Variants in MID2 observed in about 807,000 individuals in gnomAD.
MID2 encodes the protein midline 2, also known as probable E3 ubiquitin-protein ligase MID2.
MID2 carries 13 observed loss-of-function variants against 46.1 expected under a neutral mutation model. The observed-to-expected ratio is 0.28, with a 90% confidence interval of 0.18 to 0.45. The LOEUF is 0.45. Ranked by LOEUF, MID2 falls within the 20% of genes least tolerant of loss-of-function variation. The pLI is 1.00. For synonymous variants in MID2, 199 were observed against 212.3 expected (o/e 0.94, Z 0.55); for missense variants, 431 against 575.4 (o/e 0.75, Z 2.57).
chrX:107,905,080 A>G (rs1293036591), intron 4 of MID2, among the ~76,000 whole-genome samples: 1 of 112,333 alleles, frequency 8.9e-6, no homozygotes, highest in Non-Finnish European at 1.9e-5. Flanking sequence ...AAATATATTG[A>G]CAACAAAATG....
chrX:107,825,966 C>CG lies in MID2; in HGVS notation c.-460dup. ...CGGAAGGTGAGCCTGGGAAGGTGGC[C>CG]GAGCACCCCTTCTTCTTGGGCCCTT... On this transcript the variant is annotated 5_prime_UTR_variant, in exon 1 of 10. Transcript: ENST00000262843. The CG allele has an allele frequency of 3.7e-6, 1 of 268,876 alleles. No individual in the cohort carries two copies. 22.2% of individuals were successfully genotyped at this position (268,876 alleles called of 1,213,427 possible). A position where few individuals can be genotyped will look rare whatever the true frequency, so the allele number is the denominator to read the frequency against.
At chrX:107,860,508 G>A (rs957191351) in intron 3 of MID2, among the ~76,000 whole-genome samples, 1 of 111,797 alleles carries the variant, frequency 8.9e-6, no homozygotes, top group East Asian at 2.8e-4. Context: ...CATGGAGAAT[G>A]TATAGATTGA....
intron 3 of MID2, among the ~76,000 whole-genome samples, chrX:107,890,375 G>A (rs1295412962): frequency 8.9e-6 from 1 of 112,191 alleles, no homozygotes. Context: ...GAGTTTGTGG[G>A]AGGTCCACTC....
intron 3 of MID2, among the ~76,000 whole-genome samples, chrX:107,867,106 T>G (rs992310402): frequency 8.0e-5 from 9 of 112,288 alleles, no homozygotes; most frequent in African/African-American, 2.6e-4. Context: ...TGAAATTTAG[T>G]ATGAAGCCAT....
At chrX:107,882,242 C>A (rs1932336039) in intron 3 of MID2, among the ~76,000 whole-genome samples, 1 of 112,214 alleles carries the variant, frequency 8.9e-6, no homozygotes, top group Admixed American at 9.4e-5. Flanking sequence ...GACCTAAAAT[C>A]ATAAAAACCC....
At chrX:107,867,303 G>A (rs375251417) in intron 3 of MID2, among the ~76,000 whole-genome samples, 7 of 105,277 alleles carry the variant, frequency 6.6e-5, no homozygotes, top group Middle Eastern at 4.9e-3. Flanking sequence ...GGCATGTGCC[G>A]CCACGCCCAG....
At chrX:107,892,721 G>T (rs975902321) in intron 3 of MID2, among the ~76,000 whole-genome samples, 3 of 111,846 alleles carry the variant, frequency 2.7e-5, no homozygotes, top group Non-Finnish European at 5.6e-5. Flanking sequence ...CTTCTCTGCT[G>T]TGAATCTCCC....
chrX:107,827,210 T>C lies in MID2; in HGVS notation c.4+780T>C, dbSNP rs1930975629. 6.2e-5 allele frequency among the ~76,000 whole-genome samples: 7 copies of C among 112,122 alleles called. No individual in the cohort carries two copies. The Admixed American group carries it at 6.6e-4, about 11-fold the overall frequency. On this transcript the variant is annotated intron_variant, in intron 1 of 9. Transcript: ENST00000262843. ...GTTGCACATTATTTTTCAGAGGTGT[T>C]TCTTCTTAGAGCAGGAAATTGAAAT...
At chrX:107,862,687 A>C (rs1180237753) in intron 3 of MID2, among the ~76,000 whole-genome samples, 2 of 112,677 alleles carry the variant, frequency 1.8e-5, no homozygotes, top group African/African-American at 6.4e-5. Context: ...AAGCAAAGCC[A>C]AAAGAAAAGT....
Position 107,841,095 on chromosome X carries a change from C to G in MID2, c.430C>G (p.Gln144Glu), listed in dbSNP as rs1381849775. 2.5e-6 allele frequency: 3 copies of G among 1,209,223 alleles called. No homozygotes were observed. The South Asian group carries it at 5.3e-5, about 21-fold the overall frequency. ...SERIACQFCE[Q>E]DPPRDAVKTC... is the part of the protein sequence containing the mutation. ...GCGAATTGCTTGCCAATTCTGTGAG[C>G]AGGACCCGCCAAGGGATGCAGTAAA... Residue 144 changes from glutamine (Q) to glutamate (E), a missense_variant, in exon 2 of 10, where the codon CAG becomes GAG. Physicochemically the swap from Gln to Glu is conservative, Grantham distance 29 (BLOSUM62 2). Transcript: ENST00000262843.
In MID2 at chrX:107,929,849, C is replaced by T. The variant is rs994566089; in HGVS notation, c.*2776C>T. 8.9e-6 allele frequency among the ~76,000 whole-genome samples: 1 copy of T among 111,768 alleles called. No homozygotes were observed. The highest frequency in any genetic ancestry group is 1.9e-5 in the Non-Finnish European group (1 of 53,073). On this transcript the variant is annotated 3_prime_UTR_variant, in exon 10 of 10. Coordinates refer to ENST00000262843, the MANE Select transcript of MID2 (RefSeq NM_012216.4). ...CCAAAGACACCCCAAGCATCCCCCT[C>T]TCTCAGCAATAATCACATTGTATAG...
chrX:107,874,759 G>A (rs890687038), intron 3 of MID2, among the ~76,000 whole-genome samples: 1 of 111,562 alleles, frequency 9.0e-6, no homozygotes, highest in African/African-American at 3.3e-5. Flanking sequence ...GAAGAATCCT[G>A]TAATACCTAA....
chrX:107,859,847 C>T (rs1205551639), intron 3 of MID2, among the ~76,000 whole-genome samples: 1 of 112,080 alleles, frequency 8.9e-6, no homozygotes, highest in Non-Finnish European at 1.9e-5. Flanking sequence ...AGAAGTTTGG[C>T]TTGGCCAGAA....
intron 5 of MID2, among the ~76,000 whole-genome samples, chrX:107,913,081 A>G (rs1932915346): frequency 9.0e-6 from 1 of 110,988 alleles, no homozygotes; most frequent in Admixed American, 9.6e-5. Context: ...CACACACCCC[A>G]CCATGTCACT....
intron 3 of MID2, among the ~76,000 whole-genome samples, chrX:107,872,424 G>A (rs1932092435): frequency 8.9e-6 from 1 of 112,317 alleles, no homozygotes; most frequent in African/African-American, 3.2e-5. Context: ...AAAACAACAA[G>A]CCTAGGCAAG....
chrX:107,828,409 T>A (rs1369887929), intron 1 of MID2, among the ~76,000 whole-genome samples: 1 of 105,506 alleles, frequency 9.5e-6, no homozygotes, highest in Non-Finnish European at 1.9e-5. Flanking sequence ...CCTCTCGGGC[T>A]TAAGCAATCC....
Position 107,927,227 on chromosome X carries a change from A to G in MID2, c.*154A>G, listed in dbSNP as rs1020892004. On this transcript the variant is annotated 3_prime_UTR_variant, in exon 10 of 10. Coordinates refer to ENST00000262843, the MANE Select transcript of MID2 (RefSeq NM_012216.4). ...TGCAGATTTAATTTTTGTGCATTAAAGCTTGTATTTGAATTAATTTATTGA... is the reference window on the plus strand; with the variant it reads ...TGCAGATTTAATTTTTGTGCATTAAGGCTTGTATTTGAATTAATTTATTGA... The G allele has an allele frequency of 3.4e-5, 15 of 441,492 alleles. No individual in the cohort carries two copies. The highest frequency in any genetic ancestry group is 5.3e-5 in the Non-Finnish European group (15 of 281,166). 36.4% of individuals were successfully genotyped at this position (441,492 alleles called of 1,213,427 possible).
chrX:107,917,368 A>G, intron 6 of MID2, 138 bp from the exon 7 acceptor site: 3 of 536,407 alleles, frequency 5.6e-6, no homozygotes, highest in Admixed American at 3.1e-5. Flanking sequence ...TTCAGGTTGC[A>G]TGGTTCATGC....
rs191347404 is a variant in MID2, at chrX:107,865,605, A to G, written c.816+10901A>G. On this transcript the variant is annotated intron_variant, in intron 3 of 9. Coordinates refer to ENST00000262843, the MANE Select transcript of MID2 (RefSeq NM_012216.4). ...TTCAGTCCTTTGATGTTTTCCCCATATAAGGGGAGAAACTGGGACACAACT... is the reference window on the plus strand; with the variant it reads ...TTCAGTCCTTTGATGTTTTCCCCATGTAAGGGGAGAAACTGGGACACAACT... 2.2e-3 allele frequency among the ~76,000 whole-genome samples: 245 copies of G among 111,301 alleles called. 1 individual carries two copies. Among genetic ancestry groups the G allele is most frequent in the South Asian group, 3.0e-3 (8 of 2,644 alleles).
Sources: gnomAD v4.1 joint callset for allele counts (sites outside exome capture counted in the v4.1 genomes callset) on GRCh38, gnomAD v4.1.1 for gene constraint, MANE v1.5 for transcripts, NCBI Gene and HGNC (gene_info 2026-07-23, HGNC 2026-07-21) for gene names.